SH3RF3: variants seen among roughly 807,000 people sequenced by gnomAD.
SH3RF3 encodes the protein SH3 domain containing ring finger 3.
Under a neutral mutation model 66.3 loss-of-function variants are expected in SH3RF3, and 29 were observed. The ratio of observed to expected loss-of-function variants is 0.44; its 90% CI spans 0.33 to 0.60. SH3RF3 has a LOEUF of 0.60. SH3RF3 is among the 20% of genes least tolerant of loss of function. The pLI is 0.04. For missense variants in SH3RF3, 1,194 were observed against 1,190.9 expected, an observed-to-expected ratio of 1.00 and a Z score of -0.04; for synonymous variants, 583 against 532.0, an observed-to-expected ratio of 1.10 and a Z score of -1.32.
At chr2:109,429,609 A>C (rs1208041676) in intron 5 of SH3RF3, among the ~76,000 whole-genome samples, 1 of 152,068 alleles carries the variant, frequency 6.6e-6, no homozygotes, top group Non-Finnish European at 1.5e-5. Flanking sequence ...CCTCTGTGCA[A>C]CTGCAGCTCT....
intron 1 of SH3RF3, among the ~76,000 whole-genome samples, chr2:109,259,219 T>G (rs1161821652): frequency 2.0e-5 from 3 of 152,130 alleles, no homozygotes. Context: ...CCTTCATGGG[T>G]CGGATTAAAG....
intron 1 of SH3RF3, among the ~76,000 whole-genome samples, chr2:109,154,118 G>T (rs1677283743): frequency 6.6e-6 from 1 of 152,162 alleles, no homozygotes. Flanking sequence ...TATCTCGTGT[G>T]TTTAAAACTG....
At chr2:109,275,427 T>C (rs1040226463) in intron 1 of SH3RF3, among the ~76,000 whole-genome samples, 1 of 152,150 alleles carries the variant, frequency 6.6e-6, no homozygotes, top group Non-Finnish European at 1.5e-5. Context: ...CTCCATTCAG[T>C]TGGACCGACA....
intron 1 of SH3RF3, among the ~76,000 whole-genome samples, chr2:109,304,966 G>A (rs1198207296): frequency 3.3e-5 from 5 of 152,174 alleles, no homozygotes; most frequent in East Asian, 1.9e-4. Flanking sequence ...GTCAACTTAT[G>A]AGTAGGAATG....
At chr2:109,272,503 T>C (rs112098408) in intron 1 of SH3RF3, among the ~76,000 whole-genome samples, 1 of 152,194 alleles carries the variant, frequency 6.6e-6, no homozygotes, top group Non-Finnish European at 1.5e-5. Flanking sequence ...CCTCTAACTG[T>C]GTGCTGCACT....
rs935154161 is a variant in SH3RF3 at position 109,437,000 on chromosome 2, G to A, written c.1682G>A (p.Ser561Asn). 1 of 1,613,860 alleles carries A rather than the reference G, an allele frequency of 6.2e-7. No homozygotes were observed. The highest frequency in any genetic ancestry group is 8.5e-7 in the Non-Finnish European group (1 of 1,179,896). ...TMHPGSGSLS[S>N]LATATRPALP... Reference sequence around the variant, plus strand: ...CACCCAGGCAGTGGGAGTCTGAGCAGCCTGGCCACTGCCACCAGGCCCGCC... The same window carrying A: ...CACCCAGGCAGTGGGAGTCTGAGCAACCTGGCCACTGCCACCAGGCCCGCC... Residue 561 changes from serine (S) to asparagine (N), a missense_variant, in exon 7 of 10, where the codon AGC (serine) becomes AAC (asparagine). Coordinates refer to ENST00000309415, the MANE Select transcript of SH3RF3 (RefSeq NM_001099289.3).
chr2:109,155,403 T>G (rs1677320926), intron 1 of SH3RF3, among the ~76,000 whole-genome samples: 1 of 152,124 alleles, frequency 6.6e-6, no homozygotes, highest in Non-Finnish European at 1.5e-5. Flanking sequence ...TGAGTTCACC[T>G]GCCATTCTCC....
At chr2:109,236,654 G>A (rs1422625753) in intron 1 of SH3RF3, among the ~76,000 whole-genome samples, 1 of 152,176 alleles carries the variant, frequency 6.6e-6, no homozygotes, top group Non-Finnish European at 1.5e-5. Context: ...CAAATGGGGA[G>A]ATTAAAGACG....
At chr2:109,433,640 T>G (rs1395619851) in intron 6 of SH3RF3, among the ~76,000 whole-genome samples, 1 of 152,366 alleles carries the variant, frequency 6.6e-6, no homozygotes, top group African/African-American at 2.4e-5. Flanking sequence ...GGCTGATTGC[T>G]ACTTGCAGAG....
chr2:109,461,848 A>G (rs1242338019), intron 8 of SH3RF3, among the ~76,000 whole-genome samples: 1 of 152,154 alleles, frequency 6.6e-6, no homozygotes, highest in Admixed American at 6.5e-5. Context: ...AAAACTATCA[A>G]TTTTGGGGGT....
chr2:109,303,172 G>A (rs1329659541), intron 1 of SH3RF3, among the ~76,000 whole-genome samples: 2 of 152,154 alleles, frequency 1.3e-5, no homozygotes, highest in Non-Finnish European at 2.9e-5. Context: ...CACCGCGCCC[G>A]GCCGATCTCC....
At chr2:109,337,475 A>G (rs1425288552) in intron 1 of SH3RF3, among the ~76,000 whole-genome samples, 1 of 152,166 alleles carries the variant, frequency 6.6e-6, no homozygotes, top group African/African-American at 2.4e-5. Flanking sequence ...TCAAATGGTG[A>G]TAAGGGACTG....
At position 109,129,928 on chromosome 2, in the gene SH3RF3, A is replaced by C. The variant is rs1241447112; in HGVS notation, c.388A>C (p.Ser130Arg). The C allele has an allele frequency of 4.7e-6, 7 of 1,487,360 alleles. No individual in the cohort carries two copies. The highest frequency in any genetic ancestry group is 6.2e-6 in the Non-Finnish European group (7 of 1,125,446). 92.1% of individuals were successfully genotyped at this position (1,487,360 alleles called of 1,614,324 possible). The stretch of plus-strand genomic sequence containing the variant: ...CCGTCAGCGGCCCCGCGCGGGCACC[A>C]GCCCCGGCGGCAGCCCGCCCGCGCG... ...GIRQRPRAGT[S>R]PGGSPPARPI... Residue 130 changes from serine to arginine, a missense_variant, in exon 1 of 10, where the codon AGC becomes CGC. By Grantham distance (110) the Ser-to-Arg change is moderately radical. Transcript: ENST00000309415.
At chr2:109,165,243 A>G (rs1200878152) in intron 1 of SH3RF3, among the ~76,000 whole-genome samples, 1 of 152,224 alleles carries the variant, frequency 6.6e-6, no homozygotes, top group African/African-American at 2.4e-5. Flanking sequence ...TACTAGGTGT[A>G]TCAAGAAGGT....
chr2:109,129,778 C>T lies in SH3RF3; in HGVS notation c.238C>T (p.Arg80Cys), dbSNP rs2104789039. ...GCCATGCCAACACACTTTCTGCCGC[C>T]GCTGCCTGGAGAGCATCGTGTGCTC... is the stretch of plus-strand genomic sequence containing the variant. ...VLPCQHTFCR[R>C]CLESIVCSRH... Residue 80 changes from arginine (R) to cysteine (C), a missense_variant, in exon 1 of 10, where the codon CGC (arginine) becomes TGC (cysteine). Transcript: ENST00000309415. 4 of 1,539,278 alleles carry T rather than the reference C, an allele frequency of 2.6e-6. No homozygotes were observed. Among genetic ancestry groups the T allele is most frequent in the Admixed American group, 2.0e-5 (1 of 50,476 alleles).
intron 3 of SH3RF3, among the ~76,000 whole-genome samples, chr2:109,386,814 C>A (rs1196565566): frequency 6.6e-6 from 1 of 152,158 alleles, no homozygotes; most frequent in Non-Finnish European, 1.5e-5. Flanking sequence ...TAAAAAATGA[C>A]TGCATTCTCA....
intron 1 of SH3RF3, among the ~76,000 whole-genome samples, chr2:109,151,917 T>C (rs1677233034): frequency 6.6e-6 from 1 of 152,250 alleles, no homozygotes; most frequent in South Asian, 2.1e-4. Context: ...TGGTTTGAAG[T>C]TAATATAATA....
intron 2 of SH3RF3, among the ~76,000 whole-genome samples, chr2:109,357,362 T>C (rs1682969001): frequency 6.6e-6 from 1 of 152,162 alleles, no homozygotes; most frequent in African/African-American, 2.4e-5. Flanking sequence ...TGTGTATTTT[T>C]AGTAGAGACG....
rs185643716 is a variant in SH3RF3 at position 109,384,409 on chromosome 2, G to A, written c.945+12728G>A. On this transcript the variant is annotated intron_variant, in intron 3 of 9. Transcript: ENST00000309415. ...GGACTTGGCAGGGAAAGCGGCCTTCGGGGAGGGGCAGGGAGGGAGCAGGTC... is the reference window on the plus strand; with the variant it reads ...GGACTTGGCAGGGAAAGCGGCCTTCAGGGAGGGGCAGGGAGGGAGCAGGTC... Among the ~76,000 whole-genome samples the A allele has an allele frequency of 8.8e-3, 1,341 of 152,162 alleles. 18 individuals carry two copies. Among genetic ancestry groups the A allele is most frequent in the African/African-American group, 0.031 (1,282 of 41,500 alleles).
Sources: gnomAD v4.1 joint callset for allele counts (sites outside exome capture counted in the v4.1 genomes callset) on GRCh38, gnomAD v4.1.1 for gene constraint, MANE v1.5 for transcripts, NCBI Gene and HGNC (gene_info 2026-07-23, HGNC 2026-07-21) for gene names.